PTGFRN: variants seen among roughly 807,000 people sequenced by gnomAD.
PTGFRN encodes prostaglandin F2 receptor negative regulator.
Under a neutral mutation model 83.2 loss-of-function variants are expected in PTGFRN, and 35 were observed. The ratio of observed to expected loss-of-function variants is 0.42; its 90% CI spans 0.32 to 0.56. The LOEUF (loss-of-function observed/expected upper bound fraction) is 0.56. PTGFRN is among the 20% of genes least tolerant of loss of function. PTGFRN has a pLI of 0.11. For synonymous variants in PTGFRN, 519 were observed against 498.6 expected (o/e 1.04, Z -0.55); for missense variants, 1,051 against 1,179.5 (o/e 0.89, Z 1.60).
At chr1:116,976,526 T>G (rs1187932983) in intron 7 of PTGFRN, among the ~76,000 whole-genome samples, 1 of 152,172 alleles carries the variant, frequency 6.6e-6, no homozygotes, top group African/African-American at 2.4e-5. Flanking sequence ...GCGGATCTCT[T>G]GGCAGAAACT....
At chr1:116,959,467 A>G (rs1261628779) in intron 4 of PTGFRN, among the ~76,000 whole-genome samples, 1 of 152,248 alleles carries the variant, frequency 6.6e-6, no homozygotes, top group Non-Finnish European at 1.5e-5. Context: ...TGGAGAAATC[A>G]TGATGTTATA....
chr1:116,949,105 T>C, intron 3 of PTGFRN, 87 bp from the exon 4 acceptor site: 1 of 1,481,246 alleles, frequency 6.8e-7, no homozygotes, highest in Non-Finnish European at 9.0e-7. Flanking sequence ...AAATAAGAAC[T>C]TAAAAGGAGA....
chr1:116,949,339 G>T lies in PTGFRN; in HGVS notation c.980G>T (p.Gly327Val). 1 of 1,614,272 alleles carries T rather than the reference G, an allele frequency of 6.2e-7. No homozygotes were observed. Among genetic ancestry groups the T allele is most frequent in the Non-Finnish European group, 8.5e-7 (1 of 1,180,046 alleles). The change falls in exon 4 of 9, where the codon GGC becomes GTC. Residue 327 changes from glycine to valine, a missense_variant. Gly to Val is a moderately radical substitution (Grantham distance 109). Coordinates refer to ENST00000393203, the MANE Select transcript of PTGFRN (RefSeq NM_020440.4). The part of the protein sequence containing the change: ...FSRMPDSTLP[G>V]SRVLARLDRD... ...AGGATGCCTGACAGCACCCTACCTG[G>T]CTCCCGCGTGTTGGCGCGGCTTGAC...
chr1:116,982,809 C>T (rs1056379130), intron 7 of PTGFRN, among the ~76,000 whole-genome samples: 12 of 152,122 alleles, frequency 7.9e-5, no homozygotes, highest in African/African-American at 2.9e-4. Flanking sequence ...GGCAAAGAAG[C>T]GAGAGCAGTT....
intron 7 of PTGFRN, among the ~76,000 whole-genome samples, chr1:116,983,422 A>G (rs1398702317): frequency 3.3e-5 from 5 of 150,358 alleles, no homozygotes; most frequent in African/African-American, 4.9e-5. Context: ...TGCCCTTGGC[A>G]CTGTGAGAGC....
intron 1 of PTGFRN, among the ~76,000 whole-genome samples, chr1:116,926,443 T>A (rs1649662748): frequency 6.6e-6 from 1 of 152,218 alleles, no homozygotes; most frequent in Non-Finnish European, 1.5e-5. Flanking sequence ...TGTGGATAGA[T>A]CTTGCCTCAG....
chr1:116,945,583 C>T (rs1557739086), intron 3 of PTGFRN, among the ~76,000 whole-genome samples: 1 of 152,098 alleles, frequency 6.6e-6, no homozygotes, highest in Admixed American at 6.6e-5. Flanking sequence ...CTTGTATCCT[C>T]TAGGCCTGCC....
intron 5 of PTGFRN, among the ~76,000 whole-genome samples, chr1:116,964,893 T>C (rs75178966): frequency 0.014 from 2,081 of 152,350 alleles, 53 homozygotes; most frequent in African/African-American, 0.048. Context: ...TTGCCTGGAT[T>C]ACATCCCTGG....
Position 116,918,373 on chromosome 1 carries a change from C to T in PTGFRN, c.49+8121C>T, listed in dbSNP as rs1190781617. Reference sequence around the variant, plus strand: ...GAGGTTTTTCCATGAAGATTAAAAACAATATATTTAGAAGAATGCAAACAT... The same window carrying T: ...GAGGTTTTTCCATGAAGATTAAAAATAATATATTTAGAAGAATGCAAACAT... On this transcript the variant is annotated intron_variant, in intron 1 of 8. Transcript: ENST00000393203. The surrounding 1 kb of genome is among the most constrained non-coding windows in gnomAD (Gnocchi z 4.1). 6.6e-6 allele frequency among the ~76,000 whole-genome samples: 1 copy of T among 152,136 alleles called. No individual in the cohort carries two copies. Among genetic ancestry groups the T allele is most frequent in the Non-Finnish European group, 1.5e-5 (1 of 68,018 alleles).
rs1003711857 is a variant in PTGFRN at position 116,961,816 on chromosome 1, A to G, written c.1639+148A>G. 18 of 811,796 alleles carry G rather than the reference A, an allele frequency of 2.2e-5. No homozygotes were observed. The highest frequency in any genetic ancestry group is 5.8e-5 in the Admixed American group (2 of 34,694). 50.3% of individuals were successfully genotyped at this position (811,796 alleles called of 1,614,324 possible). A position where few individuals can be genotyped will look rare whatever the true frequency, so the allele number is the denominator to read the frequency against. On this transcript the variant is annotated intron_variant, in intron 5 of 8. Transcript: ENST00000393203. The surrounding 1 kb of genome is among the most constrained non-coding windows in gnomAD (Gnocchi z 5.4). The stretch of plus-strand genomic sequence containing the variant: ...TTGATCGCCATGCGACCCGTTGCAC[A>G]TGCTCTTTGGACTCACTATCACCCC...
At chr1:116,942,789 T>C (rs551275896) in intron 2 of PTGFRN, among the ~76,000 whole-genome samples, 2 of 152,334 alleles carry the variant, frequency 1.3e-5, no homozygotes, top group South Asian at 4.1e-4. Context: ...GGGTTTTGTT[T>C]GTTTGTTTCA....
chr1:116,963,270 A>C (rs759258802), intron 5 of PTGFRN, among the ~76,000 whole-genome samples: 4 of 152,176 alleles, frequency 2.6e-5, no homozygotes, highest in Non-Finnish European at 5.9e-5. Context: ...CCACTCTCCT[A>C]AGTGATTACT....
intron 8 of PTGFRN, among the ~76,000 whole-genome samples, chr1:116,986,340 C>G (rs1175688697): frequency 2.6e-5 from 4 of 152,192 alleles, no homozygotes; most frequent in Non-Finnish European, 4.4e-5. Flanking sequence ...ATTTAACAAA[C>G]AGGGGAGTGA....
chr1:116,910,648 A>G (rs1649244751), intron 1 of PTGFRN, among the ~76,000 whole-genome samples: 1 of 151,800 alleles, frequency 6.6e-6, no homozygotes, highest in Admixed American at 6.6e-5. Context: ...GAGAGCGGAA[A>G]TGTGAGCCTT....
At chr1:116,986,700 C>T (rs1013154730) in intron 8 of PTGFRN, 101 bp from the exon 9 acceptor site, 2 of 1,195,254 alleles carry the variant, frequency 1.7e-6, no homozygotes, top group South Asian at 1.3e-5. Context: ...GACCTTATCT[C>T]TCGGGAGATC....
chr1:116,947,115 G>A (rs1167972032), intron 3 of PTGFRN, among the ~76,000 whole-genome samples: 3 of 152,162 alleles, frequency 2.0e-5, no homozygotes, highest in Non-Finnish European at 4.4e-5. Context: ...TGGATCCCAG[G>A]CTAAGAACTG....
intron 3 of PTGFRN, 78 bp downstream of exon 3, chr1:116,945,170 C>T (rs1650166354): frequency 2.0e-6 from 3 of 1,496,808 alleles, no homozygotes; most frequent in South Asian, 2.7e-5. Flanking sequence ...GGCCAGGGAG[C>T]CCCATGGCCT....
In PTGFRN at chr1:116,917,228, C is replaced by T. The variant is rs184476007; in HGVS notation, c.49+6976C>T. The stretch of plus-strand genomic sequence containing the variant: ...GAAGGAACTCTGAGTCAGAAACGAT[C>T]GCCCACCTTTTCAAGTGGTGTGGAG... On this transcript the variant is annotated intron_variant, in intron 1 of 8. Coordinates refer to ENST00000393203, the MANE Select transcript of PTGFRN (RefSeq NM_020440.4). Among the ~76,000 whole-genome samples, 1,097 of 152,266 alleles carry T rather than the reference C, an allele frequency of 7.2e-3. 10 individuals are homozygous for T. The highest frequency in any genetic ancestry group is 0.02 in the Middle Eastern group (6 of 294).
At chr1:116,982,620 G>A (rs1363096607) in intron 7 of PTGFRN, among the ~76,000 whole-genome samples, 3 of 152,090 alleles carry the variant, frequency 2.0e-5, no homozygotes, top group Non-Finnish European at 4.4e-5. Flanking sequence ...AACACTGAGG[G>A]AGGGAGGGAC....
Sources: gnomAD v4.1 joint callset for allele counts (sites outside exome capture counted in the v4.1 genomes callset) on GRCh38, gnomAD v4.1.1 for gene constraint, Gnocchi (gnomAD v3.1) non-coding constraint, MANE v1.5 for transcripts, NCBI Gene and HGNC (gene_info 2026-07-23, HGNC 2026-07-21) for gene names.